The following QTGAL variants were observed in gnomAD, a reference collection of about 807,000 sequenced individuals.
QTGAL encodes BGnT-like protein 1.
chr17:83,050,807 AG>A, the QTGAL span, among the ~76,000 whole-genome samples: 3 of 76,782 alleles, frequency 3.9e-5, no homozygotes, highest in Non-Finnish European at 5.7e-5. Flanking sequence ...GTGGGCACGG[AG>A]GAGGTGTGCA....
chr17:82,942,375 G>A, the QTGAL span: 2 of 1,604,564 alleles, frequency 1.2e-6, no homozygotes, highest in Admixed American at 1.7e-5. Flanking sequence ...GGGCCCAGAG[G>A]GGTGAGGGTC....
chr17:82,958,683 C>T, the QTGAL span, among the ~76,000 whole-genome samples: 1 of 151,978 alleles, frequency 6.6e-6, no homozygotes, highest in African/African-American at 2.4e-5. Flanking sequence ...GGAGGTCCTG[C>T]CTGGAGTCTA....
At chr17:83,033,707 G>A in the QTGAL span, among the ~76,000 whole-genome samples, 7 of 151,978 alleles carry the variant, frequency 4.6e-5, no homozygotes, top group African/African-American at 9.6e-5. Context: ...TCCTGACCTC[G>A]TGATCCACCC....
the QTGAL span, among the ~76,000 whole-genome samples, chr17:82,996,730 T>G: frequency 6.6e-6 from 1 of 152,128 alleles, no homozygotes; most frequent in African/African-American, 2.4e-5. Flanking sequence ...AGAGAACCCA[T>G]AGATAAATCA....
chr17:83,004,844 C>T, the QTGAL span, among the ~76,000 whole-genome samples: 5 of 152,210 alleles, frequency 3.3e-5, no homozygotes, highest in East Asian at 1.9e-4. Context: ...ACCCTCCCGC[C>T]CTCCGCGTGT....
the QTGAL span, chr17:82,946,802 GA>G: frequency 8.2e-7 from 1 of 1,218,818 alleles, no homozygotes; most frequent in Middle Eastern, 1.9e-4. Context: ...AAGAAAATTA[GA>G]ATAAGAGCAG....
chr17:83,035,059 C>T, the QTGAL span: 3 of 1,612,606 alleles, frequency 1.9e-6, no homozygotes, highest in African/African-American at 2.7e-5. Flanking sequence ...AAAGGTAAGA[C>T]CCTGAGCTCT....
the QTGAL span, among the ~76,000 whole-genome samples, chr17:82,977,990 T>G: frequency 2.0e-5 from 3 of 152,146 alleles, no homozygotes; most frequent in African/African-American, 7.2e-5. Context: ...TGGCTGGAGG[T>G]TCCCACAGGT....
chr17:83,046,312 T>C, the QTGAL span, among the ~76,000 whole-genome samples: 1 of 151,970 alleles, frequency 6.6e-6, no homozygotes, highest in South Asian at 2.1e-4. Flanking sequence ...TTTTGTGGTA[T>C]TTTTAGTAGA....
At chr17:83,042,716 T>G in the QTGAL span, among the ~76,000 whole-genome samples, 1 of 152,218 alleles carries the variant, frequency 6.6e-6, no homozygotes, top group Non-Finnish European at 1.5e-5. Context: ...ACTTTAAATG[T>G]AAATGGACTA....
At chr17:83,004,627 A>C in the QTGAL span, among the ~76,000 whole-genome samples, 6 of 102,304 alleles carry the variant, frequency 5.9e-5, no homozygotes, top group Admixed American at 2.1e-4. Flanking sequence ...TCGCCCTCCC[A>C]CCCTCCGCAC....
the QTGAL span, among the ~76,000 whole-genome samples, chr17:82,999,824 T>A: frequency 6.6e-6 from 1 of 152,208 alleles, no homozygotes; most frequent in African/African-American, 2.4e-5. Flanking sequence ...CTCTGCTTTT[T>A]GGGAGCACCT....
At chr17:82,951,883 G>A in the QTGAL span, among the ~76,000 whole-genome samples, 1 of 151,982 alleles carries the variant, frequency 6.6e-6, no homozygotes, top group Non-Finnish European at 1.5e-5. Context: ...ATTCATATGG[G>A]CGCCCCGAGA....
chr17:82,971,371 A>G, the QTGAL span, among the ~76,000 whole-genome samples: 2 of 152,188 alleles, frequency 1.3e-5, no homozygotes, highest in Non-Finnish European at 1.5e-5. Context: ...AGCACAGAGC[A>G]CTAGGGGCTG....
chr17:83,035,651 A>G, the QTGAL span, among the ~76,000 whole-genome samples: 3 of 152,102 alleles, frequency 2.0e-5, no homozygotes, highest in Non-Finnish European at 4.4e-5. Flanking sequence ...TCTGACACTC[A>G]CTGAAGGAAA....
chr17:83,006,504 C>T, the QTGAL span: 77 of 985,302 alleles, frequency 7.8e-5, no homozygotes, highest in South Asian at 9.4e-5. This position sits in a 1 kb window ranked among gnomAD's most constrained non-coding sequence, Gnocchi z 5.8. Context: ...CCAAGGTCAA[C>T]GCCGCACCAG....
chr17:83,005,485 G>A, the QTGAL span: 6 of 667,754 alleles, frequency 9.0e-6, no homozygotes, highest in African/African-American at 7.0e-5. The surrounding 1 kb of genome is among the most constrained non-coding windows in gnomAD (Gnocchi z 5.6). Context: ...GCCCTGGGCT[G>A]GATTGAGAAT....
At chr17:82,955,778 G>A in the QTGAL span, among the ~76,000 whole-genome samples, 1 of 152,150 alleles carries the variant, frequency 6.6e-6, no homozygotes, top group Non-Finnish European at 1.5e-5. Context: ...ACGGGATAAA[G>A]AAAACATGGC....
chr17:83,046,152 T>C, the QTGAL span, among the ~76,000 whole-genome samples: 1 of 151,168 alleles, frequency 6.6e-6, no homozygotes, highest in African/African-American at 2.4e-5. Context: ...TATTTTGAGA[T>C]GGAGTCTCAC....
Sources: gnomAD v4.1 joint callset for allele counts (sites outside exome capture counted in the v4.1 genomes callset) on GRCh38, gnomAD v4.1.1 for gene constraint, Gnocchi (gnomAD v3.1) non-coding constraint, MANE v1.5 for transcripts, NCBI Gene and HGNC (gene_info 2026-07-23, HGNC 2026-07-21) for gene names.